The following TOR1AIP1 variants were observed in gnomAD, a reference collection of about 807,000 sequenced individuals.
TOR1AIP1 encodes the protein torsin 1A interacting protein 1.
In TOR1AIP1, 54 loss-of-function variants were observed where a neutral mutation model predicts 63.3. The ratio of observed to expected loss-of-function variants is 0.85; its 90% CI spans 0.69 to 1.07. The LOEUF (loss-of-function observed/expected upper bound fraction) is 1.07, where lower values mean the gene tolerates loss of function less well. Among genes scored for constraint, TOR1AIP1 ranks in the 50% least tolerant of loss-of-function variants. The probability of loss-of-function intolerance (pLI) is 0.00; values close to 1 mark genes in which losing one functional copy is unlikely to be tolerated. For missense variants in TOR1AIP1, 736 were observed against 715.0 expected (o/e 1.03, Z -0.33); for synonymous variants, 294 against 273.5 (o/e 1.07, Z -0.74).
At chr1:179,904,138 G>A (rs1463702875) in intron 6 of TOR1AIP1, 116 bp downstream of exon 6, 3 of 735,152 alleles carry the variant, frequency 4.1e-6, no homozygotes, top group African/African-American at 1.8e-5. Context: ...AATAATGAAT[G>A]CTAAAAAAAA....
At chr1:179,905,155 T>C (rs1487080360) in intron 6 of TOR1AIP1, among the ~76,000 whole-genome samples, 1 of 152,110 alleles carries the variant, frequency 6.6e-6, no homozygotes, top group African/African-American at 2.4e-5. Flanking sequence ...GGCAGGCGGA[T>C]CACTAGGTCA....
intron 2 of TOR1AIP1, 121 bp from the exon 3 acceptor site, chr1:179,889,192 C>T (rs747201561): frequency 5.1e-5 from 34 of 660,306 alleles, no homozygotes; most frequent in Non-Finnish European, 7.8e-5. Context: ...GTCTCTACTT[C>T]TCTAGCGTAA....
intron 5 of TOR1AIP1, among the ~76,000 whole-genome samples, chr1:179,903,180 C>T (rs1648520359): frequency 6.6e-6 from 1 of 151,770 alleles, no homozygotes; most frequent in African/African-American, 2.4e-5. Context: ...CCTATAGTCC[C>T]AGATACTGAG....
rs1440466625 is a variant in TOR1AIP1 at position 179,882,680 on chromosome 1, T to G, written c.178T>G (p.Ser60Ala). The G allele has an allele frequency of 6.2e-7, 1 of 1,602,756 alleles. No individual in the cohort carries two copies. The highest frequency in any genetic ancestry group is 1.3e-5 in the African/African-American group (1 of 74,540). ...CCAGGGCCGGCGGGAAGTGAGGTTC[T>G]CGGACGAGCCGCCAGAAGTGTACGG... ...SRQGRREVRF[S>A]DEPPEVYGDF... Residue 60 changes from serine to alanine, a missense_variant, in exon 1 of 10, where the codon TCG becomes GCG. By Grantham distance (99) the Ser-to-Ala change is moderately conservative. Around this residue, in one of 2 missense-constraint regions of TOR1AIP1, gnomAD observed 464 missense variants for 371.0 expected, o/e 1.25. Transcript: ENST00000606911.
At chr1:179,899,198 A>G (rs1485764585) in intron 3 of TOR1AIP1, among the ~76,000 whole-genome samples, 6 of 152,080 alleles carry the variant, frequency 3.9e-5, no homozygotes, top group African/African-American at 1.4e-4. Context: ...TTCTCTACAT[A>G]TGATCCTTCA....
chr1:179,895,494 G>C (rs900806711), intron 3 of TOR1AIP1, among the ~76,000 whole-genome samples: 1 of 152,138 alleles, frequency 6.6e-6, no homozygotes, highest in Non-Finnish European at 1.5e-5. Context: ...TATATTCCCA[G>C]TTACTTGGGA....
intron 3 of TOR1AIP1, among the ~76,000 whole-genome samples, chr1:179,895,627 C>T (rs1648242116): frequency 2.6e-5 from 4 of 152,014 alleles, no homozygotes; most frequent in Non-Finnish European, 4.4e-5. Flanking sequence ...AGGCCGGGCA[C>T]GGTGTCTCAC....
chr1:179,889,810 G>A (rs1052409996), intron 3 of TOR1AIP1, among the ~76,000 whole-genome samples: 7 of 151,896 alleles, frequency 4.6e-5, no homozygotes, highest in African/African-American at 4.8e-5. Flanking sequence ...CCACCACCAC[G>A]CCTGGCTGAT....
At position 179,917,789 on chromosome 1, in the gene TOR1AIP1, T is replaced by C. The variant is rs1161942671; in HGVS notation, c.1302T>C (p.Ser434=). 6.2e-7 allele frequency: 1 copy of C among 1,614,228 alleles called. No homozygotes were observed. Residue 434 remains serine (S), a synonymous_variant, in exon 10 of 10, where the codon TCT becomes TCC. Coordinates refer to ENST00000606911, the MANE Select transcript of TOR1AIP1 (RefSeq NM_015602.4). The stretch of plus-strand genomic sequence containing the variant: ...GTGAACAAATTGCTGATGCCTATTC[T>C]TCTTTTCGTAGTGTCCGTGCCATCC... The part of the protein sequence containing the change: ...CLSEQIADAY[S]SFRSVRAIRI...
At chr1:179,899,708 G>T (rs1192868350) in intron 3 of TOR1AIP1, among the ~76,000 whole-genome samples, 1 of 152,210 alleles carries the variant, frequency 6.6e-6, no homozygotes, top group South Asian at 2.1e-4. Context: ...ACAGTGGCGC[G>T]ATCTCGGCTC....
chr1:179,899,304 A>G (rs1648376642), intron 3 of TOR1AIP1, among the ~76,000 whole-genome samples: 2 of 151,208 alleles, frequency 1.3e-5, no homozygotes, highest in Non-Finnish European at 2.9e-5. Flanking sequence ...TAAAAATACT[A>G]TGTTCCAAGT....
chr1:179,899,233 AT>A (rs764087218), intron 3 of TOR1AIP1, among the ~76,000 whole-genome samples: 2 of 149,138 alleles, frequency 1.3e-5, no homozygotes, highest in African/African-American at 2.5e-5. Flanking sequence ...CAATTGTGAA[AT>A]ACCTGCATTT....
intron 8 of TOR1AIP1, among the ~76,000 whole-genome samples, chr1:179,912,077 T>C (rs375232963): frequency 6.7e-6 from 1 of 149,512 alleles, no homozygotes; most frequent in Admixed American, 6.9e-5. Context: ...TAGGCTGGAG[T>C]GCAGTGGCGT....
At position 179,889,352 on chromosome 1, in the gene TOR1AIP1, TAAGATACCC is replaced by T. The variant is rs1387836291; in HGVS notation, c.600_608del (p.Pro201_Tyr203del). ...GTAATCAGGTTACGTCGACCCCCTC[TAAGATACCC>T]AAGATATGGTAAGAGATTGTTTGTC... On this transcript the variant is annotated inframe_deletion, in exon 3 of 10. Transcript: ENST00000606911. The T allele has an allele frequency of 6.2e-7, 1 of 1,607,786 alleles. No individual in the cohort carries two copies. The highest frequency in any genetic ancestry group is 8.5e-7 in the Non-Finnish European group (1 of 1,175,520).
chr1:179,882,315 C>A lies in TOR1AIP1; in HGVS notation c.-188C>A. 1 of 515,894 alleles carries A rather than the reference C, an allele frequency of 1.9e-6. No homozygotes were observed. Among genetic ancestry groups the A allele is most frequent in the Non-Finnish European group, 3.2e-6 (1 of 309,500 alleles). The allele number at this position is 515,894 out of a possible 1,614,324, so 32.0% of individuals were successfully genotyped here. ...CTCTCTCACAGCCCTCAAGACACACCATGGGCCCAGAGGCAGGTTTGCTAC... is the reference window on the plus strand; with the variant it reads ...CTCTCTCACAGCCCTCAAGACACACAATGGGCCCAGAGGCAGGTTTGCTAC... On this transcript the variant is annotated 5_prime_UTR_variant, in exon 1 of 10. Transcript: ENST00000606911.
intron 2 of TOR1AIP1, among the ~76,000 whole-genome samples, chr1:179,886,010 G>A (rs1647899707): frequency 6.6e-6 from 1 of 152,052 alleles, no homozygotes; most frequent in African/African-American, 2.4e-5. Flanking sequence ...CAAAGTGCTG[G>A]GATTATAGGC....
At chr1:179,898,003 G>T (rs1030283549) in intron 3 of TOR1AIP1, among the ~76,000 whole-genome samples, 2 of 152,148 alleles carry the variant, frequency 1.3e-5, no homozygotes, top group African/African-American at 4.8e-5. Context: ...TCAGGAGGCT[G>T]AGGTGGAAGG....
chr1:179,893,215 C>G (rs987592782), intron 3 of TOR1AIP1, among the ~76,000 whole-genome samples: 2 of 152,048 alleles, frequency 1.3e-5, no homozygotes, highest in African/African-American at 2.4e-5. Context: ...TGCACTGCAG[C>G]CTGGGCGACA....
rs956471868 is a variant in TOR1AIP1 at position 179,908,070 on chromosome 1, G to A, written c.838+206G>A. 4.3e-4 allele frequency among the ~76,000 whole-genome samples: 65 copies of A among 151,640 alleles called. 3 individuals are homozygous for A. The highest frequency in any genetic ancestry group is 5.9e-5 in the Non-Finnish European group (4 of 67,904). On this transcript the variant is annotated intron_variant, in intron 7 of 9. Coordinates refer to ENST00000606911, the MANE Select transcript of TOR1AIP1 (RefSeq NM_015602.4). The stretch of plus-strand genomic sequence containing the variant: ...ACTACAGGCGCCCGCCACCACGCCC[G>A]GCTAATTTTTTGTATTTTTAGTAGA...
Sources: gnomAD v4.1 joint callset for allele counts (sites outside exome capture counted in the v4.1 genomes callset) on GRCh38, gnomAD v4.1.1 for gene constraint, gnomAD v4.1.1 regional missense constraint, MANE v1.5 for transcripts, NCBI Gene and HGNC (gene_info 2026-07-23, HGNC 2026-07-21) for gene names.